The following SLC35F3 variants were observed in gnomAD, a reference collection of about 807,000 sequenced individuals.
The protein encoded by SLC35F3 is solute carrier family 35 member F3, also known as putative thiamine transporter SLC35F3.
SLC35F3 carries 25 observed loss-of-function variants against 49.9 expected under a neutral mutation model. That is an observed-to-expected ratio of 0.50 (90% CI 0.37 to 0.70). SLC35F3 has a LOEUF of 0.70. Among genes scored for constraint, SLC35F3 ranks in the 30% least tolerant of loss-of-function variants. SLC35F3 has a pLI of 0.00. For missense variants in SLC35F3, 525 were observed against 639.8 expected, an observed-to-expected ratio of 0.82 and a Z score of 1.94; for synonymous variants, 275 against 265.4, an observed-to-expected ratio of 1.04 and a Z score of -0.35.
In SLC35F3 at chr1:234,046,799, T is replaced by C. The variant is rs1048869062; in HGVS notation, c.283+141041T>C. 6.6e-6 allele frequency among the ~76,000 whole-genome samples: 1 copy of C among 152,208 alleles called. No homozygotes were observed. Among genetic ancestry groups the C allele is most frequent in the African/African-American group, 2.4e-5 (1 of 41,464 alleles). On this transcript the variant is annotated intron_variant, in intron 2 of 7. Transcript: ENST00000366618. This position sits in a 1 kb window ranked among gnomAD's most constrained non-coding sequence, Gnocchi z 4.4. ...ACCTCTAATGCTAATATGAAGTACA[T>C]CTCTAATTCTAGTTTTTTTCGGTAT...
chr1:234,276,684 C>T (rs1037502671), intron 3 of SLC35F3, among the ~76,000 whole-genome samples: 1 of 152,206 alleles, frequency 6.6e-6, no homozygotes, highest in African/African-American at 2.4e-5. Context: ...TCTATTGCGA[C>T]AACTCTCATT....
chr1:234,145,043 T>C (rs1374048065), intron 2 of SLC35F3, among the ~76,000 whole-genome samples: 1 of 152,198 alleles, frequency 6.6e-6, no homozygotes, highest in East Asian at 1.9e-4. Context: ...AATTGTAGTA[T>C]CCTCCAGGTT....
intron 2 of SLC35F3, among the ~76,000 whole-genome samples, chr1:233,911,492 A>G (rs755187698): frequency 2.0e-5 from 3 of 152,192 alleles, no homozygotes; most frequent in Non-Finnish European, 4.4e-5. Context: ...TTTATTCTTA[A>G]ATATGCTAAC....
intron 2 of SLC35F3, among the ~76,000 whole-genome samples, chr1:233,937,460 G>C (rs1662352829): frequency 6.6e-6 from 1 of 152,206 alleles, no homozygotes; most frequent in African/African-American, 2.4e-5. Flanking sequence ...GACCAGTAAA[G>C]ATAATCCAGC....
At position 233,992,602 on chromosome 1, in the gene SLC35F3, G is replaced by A. The variant is rs1276732272; in HGVS notation, c.283+86844G>A. Among the ~76,000 whole-genome samples the A allele has an allele frequency of 2.6e-5, 4 of 152,146 alleles. No homozygotes were observed. The East Asian group carries it at 7.7e-4, about 29-fold the overall frequency. On this transcript the variant is annotated intron_variant, in intron 2 of 7. Transcript: ENST00000366618. ...AATAGCACCAAACCATTCATGAGGG[G>A]TCTGTCCTATGACCCAAACACTTTT...
At chr1:234,298,647 G>A (rs994492443) in intron 3 of SLC35F3, among the ~76,000 whole-genome samples, 12 of 151,808 alleles carry the variant, frequency 7.9e-5, no homozygotes, top group Non-Finnish European at 1.3e-4. Context: ...TGCTGAAACA[G>A]CATCTCTAGA....
At chr1:234,190,809 G>C (rs1028270360) in intron 2 of SLC35F3, among the ~76,000 whole-genome samples, 1 of 152,192 alleles carries the variant, frequency 6.6e-6, no homozygotes, top group Non-Finnish European at 1.5e-5. Context: ...TACTACTTGA[G>C]ACCCTCATTG....
intron 2 of SLC35F3, among the ~76,000 whole-genome samples, chr1:234,159,551 CA>C (rs1009854680): frequency 4.1e-5 from 6 of 145,842 alleles, no homozygotes; most frequent in Admixed American, 6.8e-5. Flanking sequence ...CACTCCGTCT[CA>C]AAAAAAAAAG....
At chr1:234,103,505 G>A (rs1665242132) in intron 2 of SLC35F3, among the ~76,000 whole-genome samples, 1 of 152,156 alleles carries the variant, frequency 6.6e-6, no homozygotes, top group Admixed American at 6.5e-5. Flanking sequence ...ATAAACCTCA[G>A]CAGCCTGAGT....
chr1:234,302,971 G>C (rs1011660731), intron 3 of SLC35F3, among the ~76,000 whole-genome samples: 1 of 152,072 alleles, frequency 6.6e-6, no homozygotes, highest in African/African-American at 2.4e-5. Flanking sequence ...CTCCACATCT[G>C]CCTACTCTCA....
chr1:233,974,101 G>A lies in SLC35F3; in HGVS notation c.283+68343G>A, dbSNP rs186557135. ...AATGTTCTTTTCGTTCCCTGAAAAC[G>A]TTAGTTTTCCAGGAAAAAGCTAAAC... On this transcript the variant is annotated intron_variant, in intron 2 of 7. Coordinates refer to ENST00000366618, the MANE Select transcript of SLC35F3 (RefSeq NM_173508.4). 1.5e-3 allele frequency among the ~76,000 whole-genome samples: 216 copies of A among 148,844 alleles called. 1 individual carries two copies. The highest frequency in any genetic ancestry group is 3.0e-3 in the Admixed American group (45 of 14,948).
intron 2 of SLC35F3, among the ~76,000 whole-genome samples, chr1:234,031,699 T>C (rs891883115): frequency 2.0e-5 from 3 of 152,180 alleles, no homozygotes; most frequent in Admixed American, 1.3e-4. Flanking sequence ...TGCGAGCCAC[T>C]GCCCCCAGTC....
chr1:234,165,484 C>T (rs1424243590), intron 2 of SLC35F3, among the ~76,000 whole-genome samples: 1 of 152,136 alleles, frequency 6.6e-6, no homozygotes. Flanking sequence ...ACAAGTTATA[C>T]ATTAGAAAAT....
At chr1:233,916,891 GT>G (rs1278943360) in intron 2 of SLC35F3, among the ~76,000 whole-genome samples, 1 of 152,204 alleles carries the variant, frequency 6.6e-6, no homozygotes, top group Non-Finnish European at 1.5e-5. Context: ...TTGTGAATGG[GT>G]TGGAAGCAGA....
At chr1:234,314,162 G>A (rs595595) in intron 4 of SLC35F3, among the ~76,000 whole-genome samples, 65,510 of 151,950 alleles carry the variant, frequency 0.43, 14,643 homozygotes, top group East Asian at 0.74. Context: ...AGAGTCCCCC[G>A]CCTGCCTGTC....
chr1:234,189,395 A>C (rs769638799), intron 2 of SLC35F3, among the ~76,000 whole-genome samples: 2 of 151,818 alleles, frequency 1.3e-5, no homozygotes, highest in Non-Finnish European at 2.9e-5. Flanking sequence ...CAGGAAATAA[A>C]GGACACACTT....
chr1:234,095,180 A>C (rs1665098744), intron 2 of SLC35F3, among the ~76,000 whole-genome samples: 1 of 152,232 alleles, frequency 6.6e-6, no homozygotes, highest in Admixed American at 6.5e-5. Flanking sequence ...AAAATGATCT[A>C]GGCCTAGGAA....
intron 2 of SLC35F3, among the ~76,000 whole-genome samples, chr1:234,090,986 C>T (rs1434489939): frequency 2.6e-5 from 4 of 152,220 alleles, no homozygotes; most frequent in Non-Finnish European, 4.4e-5. Context: ...TCCTGACACA[C>T]CACTGAGTTG....
At position 233,957,793 on chromosome 1, in the gene SLC35F3, C is replaced by G. The variant is rs556907096; in HGVS notation, c.283+52035C>G. On this transcript the variant is annotated intron_variant, in intron 2 of 7. Transcript: ENST00000366618. The surrounding 1 kb of genome is among the most constrained non-coding windows in gnomAD (Gnocchi z 4.0). ...CTGCATGATTGCACTCCACCTAGGG[C>G]GACAAAAGCGAAACTCCATCTCAAA... is the stretch of plus-strand genomic sequence containing the variant. 6.6e-6 allele frequency among the ~76,000 whole-genome samples: 1 copy of G among 151,698 alleles called. No individual in the cohort carries two copies. Among genetic ancestry groups the G allele is most frequent in the East Asian group, 1.9e-4 (1 of 5,166 alleles).
Sources: gnomAD v4.1 joint callset for allele counts (sites outside exome capture counted in the v4.1 genomes callset) on GRCh38, gnomAD v4.1.1 for gene constraint, Gnocchi (gnomAD v3.1) non-coding constraint, MANE v1.5 for transcripts, NCBI Gene and HGNC (gene_info 2026-07-23, HGNC 2026-07-21) for gene names.